DERA: variants seen among roughly 807,000 people sequenced by gnomAD.
The protein encoded by DERA is deoxyribose-phosphate aldolase, also known as 2-deoxy-D-ribose 5-phosphate aldolase.
Under a neutral mutation model 41.1 loss-of-function variants are expected in DERA, and 15 were observed. That is an observed-to-expected ratio of 0.37 (90% CI 0.24 to 0.56). The LOEUF is 0.56. Ranked by LOEUF, DERA falls within the 20% of genes least tolerant of loss-of-function variation. The probability of loss-of-function intolerance (pLI) is 0.81; values close to 1 mark genes in which losing one functional copy is unlikely to be tolerated. For missense variants in DERA, 396 were observed against 403.4 expected, an observed-to-expected ratio of 0.98 and a Z score of 0.16; for synonymous variants, 139 against 137.4, an observed-to-expected ratio of 1.01 and a Z score of -0.08.
intron 7 of DERA, among the ~76,000 whole-genome samples, chr12:16,034,360 C>G (rs1375474799): frequency 6.6e-6 from 1 of 152,180 alleles, no homozygotes; most frequent in Non-Finnish European, 1.5e-5. Flanking sequence ...TTTAAGTGCT[C>G]AGTGTTCCAG....
chr12:16,034,772 T>C (rs1949115925), intron 7 of DERA, among the ~76,000 whole-genome samples: 2 of 151,894 alleles, frequency 1.3e-5, no homozygotes, highest in African/African-American at 4.8e-5. Context: ...AAAAAAAAGA[T>C]AAACTTATGT....
At chr12:16,015,851 G>T (rs1402505167) in intron 6 of DERA, among the ~76,000 whole-genome samples, 1 of 152,206 alleles carries the variant, frequency 6.6e-6, no homozygotes, top group East Asian at 1.9e-4. Context: ...GTCAGCTAAT[G>T]ATACTTTTCC....
chr12:15,950,046 G>A (rs1270337249), intron 1 of DERA, among the ~76,000 whole-genome samples: 2 of 152,072 alleles, frequency 1.3e-5, no homozygotes, highest in African/African-American at 2.4e-5. Context: ...AGATATGACT[G>A]TTCACTCTTG....
In DERA at chr12:15,972,487, G is replaced by C. The variant is rs1267812466; in HGVS notation, c.508+9540G>C. 1.3e-5 allele frequency: 2 copies of C among 153,108 alleles called. No homozygotes were observed. The highest frequency in any genetic ancestry group is 3.8e-4 in the East Asian group (2 of 5,200). The allele number at this position is 153,108 out of a possible 1,614,324, so 9.5% of individuals were successfully genotyped here. A position where few individuals can be genotyped will look rare whatever the true frequency, so the allele number is the denominator to read the frequency against. ...GTTTAATGTGCTCCTGGATGCAGTT[G>C]TCCACCACCTCCTTGCCCAGGAAGT... On this transcript the variant is annotated intron_variant, in intron 5 of 8. Transcript: ENST00000428559. The surrounding 1 kb of genome is among the most constrained non-coding windows in gnomAD (Gnocchi z 4.4).
chr12:15,982,394 C>G lies in DERA; in HGVS notation c.595C>G (p.Leu199Val), dbSNP rs776542123. Reference protein sequence around the residue: ...TILATGELGTLTNVYKASMIA... With the variant: ...TILATGELGTVTNVYKASMIA... Reference sequence around the variant, plus strand: ...ATTAGCGACAGGAGAACTTGGAACTCTTACTAATGTCTATAAAGCCAGTAT... The same window carrying G: ...ATTAGCGACAGGAGAACTTGGAACTGTTACTAATGTCTATAAAGCCAGTAT... Residue 199 changes from leucine (L) to valine (V), a missense_variant, in exon 6 of 9, where the codon CTT (leucine) becomes GTT (valine). Coordinates refer to ENST00000428559, the MANE Select transcript of DERA (RefSeq NM_015954.4). This position sits in a 1 kb window ranked among gnomAD's most constrained non-coding sequence, Gnocchi z 4.0. The G allele has an allele frequency of 1.2e-6, 2 of 1,613,840 alleles. No homozygotes were observed. Among genetic ancestry groups the G allele is most frequent in the Non-Finnish European group, 1.7e-6 (2 of 1,179,848 alleles).
intron 1 of DERA, among the ~76,000 whole-genome samples, chr12:15,951,048 C>G (rs1001008939): frequency 2.6e-5 from 4 of 152,200 alleles, no homozygotes; most frequent in Admixed American, 2.0e-4. Flanking sequence ...CCTGCAGATT[C>G]TGTAAACAAG....
Position 15,965,644 on chromosome 12 carries a change from C to T in DERA, c.508+2697C>T, listed in dbSNP as rs1948617218. Among the ~76,000 whole-genome samples, 1 of 151,918 alleles carries T rather than the reference C, an allele frequency of 6.6e-6. No individual in the cohort carries two copies. The highest frequency in any genetic ancestry group is 2.1e-4 in the South Asian group (1 of 4,804). On this transcript the variant is annotated intron_variant, in intron 5 of 8. Coordinates refer to ENST00000428559, the MANE Select transcript of DERA (RefSeq NM_015954.4). The surrounding 1 kb of genome is among the most constrained non-coding windows in gnomAD (Gnocchi z 4.1). ...TTGGGGGTGGGGGAGGTTTGATATT[C>T]CTCTCTGGGTTCTCCTTAGTGACCA... is the stretch of plus-strand genomic sequence containing the variant.
In DERA at chr12:16,017,175, A is replaced by C. The variant is rs919517804; in HGVS notation, c.638-15367A>C. On this transcript the variant is annotated intron_variant, in intron 6 of 8. Coordinates refer to ENST00000428559, the MANE Select transcript of DERA (RefSeq NM_015954.4). The surrounding 1 kb of genome is among the most constrained non-coding windows in gnomAD (Gnocchi z 5.5). ...ATTGAGGGGAAGGCATCCGGAAGAA[A>C]TGTGGTTATCATAAGATCATCTTTC... 2.6e-5 allele frequency among the ~76,000 whole-genome samples: 4 copies of C among 152,190 alleles called. No individual in the cohort carries two copies. The highest frequency in any genetic ancestry group is 9.6e-5 in the African/African-American group (4 of 41,452).
rs531147003 is a variant in DERA, at chr12:15,982,344, G to A, written c.545G>A (p.Cys182Tyr). 1.9e-5 allele frequency: 30 copies of A among 1,613,772 alleles called. No homozygotes were observed. The South Asian group carries it at 2.1e-4, about 11-fold the overall frequency. ...GAGATTCGTCAGTTTCGCAAGGCCT[G>A]TGGGGAGGCTCATCTTAAAACTATA... Reference protein sequence around the residue: ...YDEIRQFRKACGEAHLKTILA... With the variant: ...YDEIRQFRKAYGEAHLKTILA... The change falls in exon 6 of 9, where the codon TGT becomes TAT. Residue 182 changes from cysteine to tyrosine, a missense_variant. Physicochemically the swap from Cys to Tyr is radical, Grantham distance 194 (BLOSUM62 -2). Transcript: ENST00000428559. The surrounding 1 kb of genome is among the most constrained non-coding windows in gnomAD (Gnocchi z 4.0).
At position 15,972,327 on chromosome 12, in the gene DERA, G is replaced by A. The variant is rs538342366; in HGVS notation, c.508+9380G>A. 15 of 157,482 alleles carry A rather than the reference G, an allele frequency of 9.5e-5. No individual in the cohort carries two copies. In the South Asian group the frequency reaches 2.6e-3, roughly 27 times the overall value. 9.8% of individuals were successfully genotyped at this position (157,482 alleles called of 1,614,324 possible). On this transcript the variant is annotated intron_variant, in intron 5 of 8. Transcript: ENST00000428559. This position sits in a 1 kb window ranked among gnomAD's most constrained non-coding sequence, Gnocchi z 4.4. ...GCCTGTCAGTGAGGGACAGGAGGAAGCCAATGGCCTCGCGGCCCTTCTTGT... is the reference window on the plus strand; with the variant it reads ...GCCTGTCAGTGAGGGACAGGAGGAAACCAATGGCCTCGCGGCCCTTCTTGT...
Position 16,010,957 on chromosome 12 carries a change from A to G in DERA, c.638-21585A>G, listed in dbSNP as rs1288150254. Among the ~76,000 whole-genome samples the G allele has an allele frequency of 2.6e-5, 4 of 152,094 alleles. No individual in the cohort carries two copies. Among genetic ancestry groups the G allele is most frequent in the African/African-American group, 9.7e-5 (4 of 41,354 alleles). Reference sequence around the variant, plus strand: ...TATGATAATCTCAAATACGTTCTGCATTGTTTTTAAAAGCTTTGTGTTTAA... The same window carrying G: ...TATGATAATCTCAAATACGTTCTGCGTTGTTTTTAAAAGCTTTGTGTTTAA... On this transcript the variant is annotated intron_variant, in intron 6 of 8. Transcript: ENST00000428559. The surrounding 1 kb of genome is among the most constrained non-coding windows in gnomAD (Gnocchi z 5.5).
chr12:15,948,262 T>C (rs2136140848), intron 1 of DERA, among the ~76,000 whole-genome samples: 1 of 152,336 alleles, frequency 6.6e-6, no homozygotes. Context: ...CTTGCTAGGT[T>C]GGGGAAGTTC....
Position 15,957,916 on chromosome 12 carries a change from T to C in DERA, c.130-272T>C, listed in dbSNP as rs1312991028. 6.6e-6 allele frequency among the ~76,000 whole-genome samples: 1 copy of C among 152,120 alleles called. No homozygotes were observed. ...TGGAGTAGTCAGAAGTGGGGAGACA[T>C]GGGCTAATAGGGGTTTCAATTTGGG... On this transcript the variant is annotated intron_variant, in intron 2 of 8. Transcript: ENST00000428559. The surrounding 1 kb of genome is among the most constrained non-coding windows in gnomAD (Gnocchi z 4.8).
chr12:15,940,992 A>G lies in DERA; in HGVS notation c.32-15944A>G, dbSNP rs1948404538. ...ACTTTCCTGAGAAATGGGAATTGAG[A>G]GTAAAATTTTTTATTAAACATACTT... On this transcript the variant is annotated intron_variant, in intron 1 of 8. Coordinates refer to ENST00000428559, the MANE Select transcript of DERA (RefSeq NM_015954.4). This position sits in a 1 kb window ranked among gnomAD's most constrained non-coding sequence, Gnocchi z 5.1. Among the ~76,000 whole-genome samples the G allele has an allele frequency of 6.6e-6, 1 of 152,346 alleles. No homozygotes were observed. Among genetic ancestry groups the G allele is most frequent in the African/African-American group, 2.4e-5 (1 of 41,584 alleles).
intron 6 of DERA, among the ~76,000 whole-genome samples, chr12:16,022,255 T>C (rs903984859): frequency 1.3e-5 from 2 of 152,176 alleles, no homozygotes; most frequent in African/African-American, 2.4e-5. Flanking sequence ...CTCTCTCTCT[T>C]GCTCCTGCTC....
intron 5 of DERA, among the ~76,000 whole-genome samples, chr12:15,969,675 A>T (rs964236308): frequency 2.6e-5 from 4 of 152,078 alleles, no homozygotes; most frequent in African/African-American, 9.7e-5. Flanking sequence ...ATTATTTTTC[A>T]TTTTCTTACA....
rs1244463031 is a variant in DERA at position 16,014,236 on chromosome 12, A to G, written c.638-18306A>G. The stretch of plus-strand genomic sequence containing the variant: ...ATAAGTAACGAGGAGCCAAATGTTA[A>G]TCACCAAGACAGTGGGGGAAATGTC... On this transcript the variant is annotated intron_variant, in intron 6 of 8. Coordinates refer to ENST00000428559, the MANE Select transcript of DERA (RefSeq NM_015954.4). The surrounding 1 kb of genome is among the most constrained non-coding windows in gnomAD (Gnocchi z 5.4). 6.6e-6 allele frequency among the ~76,000 whole-genome samples: 1 copy of G among 152,210 alleles called. No individual in the cohort carries two copies. Among genetic ancestry groups the G allele is most frequent in the Non-Finnish European group, 1.5e-5 (1 of 68,038 alleles).
intron 1 of DERA, among the ~76,000 whole-genome samples, chr12:15,934,859 T>C (rs926347960): frequency 1.3e-5 from 2 of 152,144 alleles, no homozygotes; most frequent in Non-Finnish European, 2.9e-5. Context: ...TTCTGAAAAA[T>C]CTTTTGATAA....
rs149553282 is a variant in DERA at position 15,984,865 on chromosome 12, T to G, written c.637+2429T>G. Among the ~76,000 whole-genome samples the G allele has an allele frequency of 2.7e-4, 41 of 152,364 alleles. No individual in the cohort carries two copies. The highest frequency in any genetic ancestry group is 9.6e-4 in the African/African-American group (40 of 41,588). Reference sequence around the variant, plus strand: ...GAAATATTTTGAAATATTTTTTATATTCTTGTCCCAATTTTATATGTAACT... The same window carrying G: ...GAAATATTTTGAAATATTTTTTATAGTCTTGTCCCAATTTTATATGTAACT... On this transcript the variant is annotated intron_variant, in intron 6 of 8. Coordinates refer to ENST00000428559, the MANE Select transcript of DERA (RefSeq NM_015954.4). This position sits in a 1 kb window ranked among gnomAD's most constrained non-coding sequence, Gnocchi z 4.5.
Sources: gnomAD v4.1 joint callset for allele counts (sites outside exome capture counted in the v4.1 genomes callset) on GRCh38, gnomAD v4.1.1 for gene constraint, Gnocchi (gnomAD v3.1) non-coding constraint, MANE v1.5 for transcripts, NCBI Gene and HGNC (gene_info 2026-07-23, HGNC 2026-07-21) for gene names.